Variants in KIF19 observed in about 807,000 individuals in gnomAD.
The protein encoded by KIF19 is kinesin family member 19, also known as kinesin-like protein KIF19.
In KIF19, 98 loss-of-function variants were observed where a neutral mutation model predicts 106.6. The ratio of observed to expected loss-of-function variants is 0.92; its 90% CI spans 0.78 to 1.09. The LOEUF (loss-of-function observed/expected upper bound fraction) is 1.09, where lower values mean the gene tolerates loss of function less well. KIF19 is among the 50% of genes least tolerant of loss of function. The pLI, the probability that KIF19 is intolerant of heterozygous loss-of-function variation, is 0.00. For missense variants in KIF19, 1,373 were observed against 1,414.3 expected (o/e 0.97, Z 0.47); for synonymous variants, 516 against 584.2 (o/e 0.88, Z 1.68).
chr17:74,353,660 CCTGCCCTCTGCA>C (rs2054787596), intron 17 of KIF19, 79 bp downstream of exon 17: 2 of 1,191,006 alleles, frequency 1.7e-6, no homozygotes, highest in South Asian at 2.5e-5. Context: ...AAAGCCCTTT[CCTGCCCTCTGCA>C]CTGCCAAGTG....
rs1349839247 is a variant in KIF19, at chr17:74,354,395, A to C, written c.2542A>C (p.Ser848Arg). Reference sequence around the variant, plus strand: ...TGCTGCCAGTGAGGACAACCTGTCCAGCAGCACGGGCGAGGCCCCGTCCCG... The same window carrying C: ...TGCTGCCAGTGAGGACAACCTGTCCCGCAGCACGGGCGAGGCCCCGTCCCG... ...QHAASEDNLSSSTGEAPSRAV... is the reference protein window; with the variant it reads ...QHAASEDNLSRSTGEAPSRAV... The change falls in exon 18 of 20, where the codon AGC becomes CGC. Residue 848 changes from serine to arginine, a missense_variant. By Grantham distance (110) the Ser-to-Arg change is moderately radical (BLOSUM62 -1). Around this residue, in one of 3 missense-constraint regions of KIF19, gnomAD observed 1,020 missense variants for 1,008.2 expected, o/e 1.01. Coordinates refer to ENST00000389916, the MANE Select transcript of KIF19 (RefSeq NM_153209.4). 6.2e-6 allele frequency: 10 copies of C among 1,610,602 alleles called. No homozygotes were observed. In the Admixed American group the frequency reaches 1.3e-4, roughly 22 times the overall value.
At chr17:74,337,154 G>C (rs2054238378) in intron 2 of KIF19, among the ~76,000 whole-genome samples, 1 of 152,170 alleles carries the variant, frequency 6.6e-6, no homozygotes, top group Admixed American at 6.5e-5. Flanking sequence ...CTCTTAAGCT[G>C]TCAGGGAAAA....
chr17:74,350,349 G>C, intron 10 of KIF19, 52 bp from the exon 11 acceptor site: 2 of 1,514,372 alleles, frequency 1.3e-6, no homozygotes, highest in East Asian at 2.5e-5. Context: ...CCCAGGCTTT[G>C]CTAGCTGAAC....
rs369745807 is a variant in KIF19, at chr17:74,354,419, C to T, written c.2566C>T (p.Arg856Trp). 204 of 1,611,220 alleles carry T rather than the reference C, an allele frequency of 1.3e-4. 2 individuals are homozygous for T. In the East Asian group the frequency reaches 3.3e-3, roughly 26 times the overall value. The change falls in exon 18 of 20, where the codon CGG becomes TGG. Residue 856 changes from arginine to tryptophan, a missense_variant. Around this residue, in one of 3 missense-constraint regions of KIF19, gnomAD observed 1,020 missense variants for 1,008.2 expected, o/e 1.01. Coordinates refer to ENST00000389916, the MANE Select transcript of KIF19 (RefSeq NM_153209.4). ...CAGCAGCACGGGCGAGGCCCCGTCC[C>T]GGGCAGTCGGACATCATGGGGACGG... ...LSSSTGEAPS[R>W]AVGHHGDGPR...
chr17:74,337,030 C>T (rs1037985281), intron 2 of KIF19, among the ~76,000 whole-genome samples: 10 of 152,142 alleles, frequency 6.6e-5, no homozygotes, highest in Admixed American at 5.2e-4. Flanking sequence ...GACGGGGTTT[C>T]GCCATGTTGG....
intron 2 of KIF19, among the ~76,000 whole-genome samples, chr17:74,339,491 C>T (rs896328812): frequency 3.3e-5 from 5 of 150,420 alleles, no homozygotes; most frequent in Admixed American, 1.3e-4. Flanking sequence ...ATGAGACACC[C>T]ATTCCCTACC....
At position 74,354,571 on chromosome 17, in the gene KIF19, C is replaced by T. The variant is rs374049060; in HGVS notation, c.2706+12C>T. 78 of 1,582,532 alleles carry T rather than the reference C, an allele frequency of 4.9e-5. No individual in the cohort carries two copies. The Admixed American group carries it at 5.6e-4, about 11-fold the overall frequency. On this transcript the variant is annotated intron_variant, in intron 18 of 19. Coordinates refer to ENST00000389916, the MANE Select transcript of KIF19 (RefSeq NM_153209.4). Reference sequence around the variant, plus strand: ...TCACCGGGCAAGGGGTGAGGCGAGGCGCAGGGGTGGGTGTCTAGGCACTCC... The same window carrying T: ...TCACCGGGCAAGGGGTGAGGCGAGGTGCAGGGGTGGGTGTCTAGGCACTCC...
intron 2 of KIF19, among the ~76,000 whole-genome samples, chr17:74,335,028 C>T (rs1040877421): frequency 6.6e-6 from 1 of 152,208 alleles, no homozygotes; most frequent in African/African-American, 2.4e-5. Context: ...CTAAAAGTCA[C>T]ACAGCAATGT....
Position 74,347,908 on chromosome 17 carries a change from C to T in KIF19, c.1047+9C>T. 6.4e-7 allele frequency: 1 copy of T among 1,574,442 alleles called. No homozygotes were observed. Among genetic ancestry groups the T allele is most frequent in the Non-Finnish European group, 8.6e-7 (1 of 1,160,886 alleles). On this transcript the variant is annotated intron_variant, in intron 9 of 19. Transcript: ENST00000389916. ...AGAACATTAAGACTAGGGTGAGGGC[C>T]CCTGGACCGTCCACCAGGACACACC...
chr17:74,352,742 T>G, intron 14 of KIF19, 79 bp from the exon 15 acceptor site: 2 of 1,562,772 alleles, frequency 1.3e-6, no homozygotes, highest in Non-Finnish European at 8.8e-7. Context: ...CTTGTCACCC[T>G]GTAAGCCTTT....
At chr17:74,345,257 G>A (rs116818436) in intron 7 of KIF19, among the ~76,000 whole-genome samples, 14 of 152,268 alleles carry the variant, frequency 9.2e-5, no homozygotes, top group African/African-American at 2.9e-4. Context: ...CTGGTGGGAA[G>A]GGGAAGGAGG....
rs563783480 is a variant in KIF19, at chr17:74,346,525, G to A, written c.924+1G>A. Reference sequence around the variant, plus strand: ...CAGCAAGCTCACCCGGCTCCTGAAGGTACCAGCCACAGCTGGGCCTGGGCA... The same window carrying A: ...CAGCAAGCTCACCCGGCTCCTGAAGATACCAGCCACAGCTGGGCCTGGGCA... On this transcript the variant is annotated splice_donor_variant, in intron 8 of 19. Transcript: ENST00000389916. LOFTEE classifies it high-confidence loss of function. The surrounding 1 kb of genome is among the most constrained non-coding windows in gnomAD (Gnocchi z 4.6). The A allele has an allele frequency of 3.9e-5, 61 of 1,550,580 alleles. No homozygotes were observed. Among genetic ancestry groups the A allele is most frequent in the Non-Finnish European group, 4.6e-5 (53 of 1,146,774 alleles).
chr17:74,343,870 G>A (rs191015768), intron 5 of KIF19, among the ~76,000 whole-genome samples: 4 of 152,052 alleles, frequency 2.6e-5, no homozygotes, highest in African/African-American at 9.7e-5. Flanking sequence ...CTGGTCATTT[G>A]TCAGGTCCCC....
chr17:74,354,684 A>C (rs2054826150), intron 18 of KIF19, 98 bp from the exon 19 acceptor site: 1 of 1,522,626 alleles, frequency 6.6e-7, no homozygotes, highest in Non-Finnish European at 8.8e-7. Flanking sequence ...ACCACCCTCC[A>C]CAGTCTCTGT....
chr17:74,345,116 G>A (rs2054500161), intron 7 of KIF19, among the ~76,000 whole-genome samples, 161 bp downstream of exon 7: 1 of 152,228 alleles, frequency 6.6e-6, no homozygotes, highest in Non-Finnish European at 1.5e-5. Context: ...CGTAGGAGTT[G>A]GAGCGGGGAG....
chr17:74,355,109 G>C (rs557441784), intron 19 of KIF19, 73 bp from the exon 20 acceptor site: 1 of 1,549,654 alleles, frequency 6.5e-7, no homozygotes, highest in Non-Finnish European at 8.7e-7. Flanking sequence ...GAGAGTTCAA[G>C]GCCACTGGGT....
rs745706363 is a variant in KIF19, at chr17:74,346,387, C to G, written c.787C>G (p.Arg263Gly). 1 of 1,574,058 alleles carries G rather than the reference C, an allele frequency of 6.4e-7. No homozygotes were observed. Among genetic ancestry groups the G allele is most frequent in the East Asian group, 2.4e-5 (1 of 42,228 alleles). ...TTTGCTCGCCCCCTAGACACAGAAT[C>G]GTGGGCAGCGTATGAAGGAGGGGGC... ...GSERASQTQN[R>G]GQRMKEGAHI... The change falls in exon 8 of 20, where the codon CGT becomes GGT. Residue 263 changes from arginine (R) to glycine (G), a missense_variant. By Grantham distance (125) the Arg-to-Gly change is moderately radical. This residue lies in a region of KIF19 where 348 missense variants were observed against 389.5 expected (regional missense o/e 0.89). Coordinates refer to ENST00000389916, the MANE Select transcript of KIF19 (RefSeq NM_153209.4). The surrounding 1 kb of genome is among the most constrained non-coding windows in gnomAD (Gnocchi z 4.6).
rs560454522 is a variant in KIF19, at chr17:74,338,488, C to T, written c.121-3388C>T. Reference sequence around the variant, plus strand: ...TCCTATCTAGAGCCCTCTCCTGTAACTGGCTGACCTGAAATCCCATCTGAT... The same window carrying T: ...TCCTATCTAGAGCCCTCTCCTGTAATTGGCTGACCTGAAATCCCATCTGAT... On this transcript the variant is annotated intron_variant, in intron 2 of 19. Transcript: ENST00000389916. Among the ~76,000 whole-genome samples the T allele has an allele frequency of 2.6e-5, 4 of 152,138 alleles. No individual in the cohort carries two copies. In the East Asian group the frequency reaches 7.7e-4, roughly 29 times the overall value.
Position 74,328,487 on chromosome 17 carries a change from C to T in KIF19, c.102C>T (p.Ala34=). The T allele has an allele frequency of 6.2e-7, 1 of 1,605,316 alleles. No individual in the cohort carries two copies. Among genetic ancestry groups the T allele is most frequent in the Non-Finnish European group, 8.5e-7 (1 of 1,175,780 alleles). Residue 34 remains alanine (A), a synonymous_variant, in exon 2 of 20, where the codon GCC becomes GCT. Transcript: ENST00000389916. ...TGGAGGAAGGAGCTACCCTCATCGCCCATAAAGTGGATGAGCAGGTATGCA... is the reference window on the plus strand; with the variant it reads ...TGGAGGAAGGAGCTACCCTCATCGCTCATAAAGTGGATGAGCAGGTATGCA... ...AELEEGATLI[A]HKVDEQMVVL... is the part of the protein sequence containing the mutation.
Sources: allele counts gnomAD v4.1 joint callset (sites outside exome capture counted in the v4.1 genomes callset), GRCh38; gene constraint gnomAD v4.1.1; regional missense constraint gnomAD v4.1.1; non-coding constraint Gnocchi (gnomAD v3.1); transcripts MANE v1.5; gene names NCBI Gene and HGNC (gene_info 2026-07-23, HGNC 2026-07-21).